Variants in MARCHF1 observed in about 807,000 individuals in gnomAD.
The protein encoded by MARCHF1 is E3 ubiquitin-protein ligase MARCHF1.
In MARCHF1, 40 loss-of-function variants were observed where a neutral mutation model predicts 54.2. The observed-to-expected ratio is 0.74, with a 90% confidence interval of 0.57 to 0.96. The LOEUF (loss-of-function observed/expected upper bound fraction) is 0.96, where lower values mean the gene tolerates loss of function less well. MARCHF1 is among the 40% of genes least tolerant of loss of function. MARCHF1 has a pLI of 0.00. For missense variants in MARCHF1, 586 were observed against 656.5 expected, an observed-to-expected ratio of 0.89 and a Z score of 1.17; for synonymous variants, 236 against 236.3, an observed-to-expected ratio of 1.00 and a Z score of 0.01.
intron 4 of MARCHF1, among the ~76,000 whole-genome samples, chr4:163,832,549 GTTTC>G (rs767722678): frequency 7.5e-4 from 113 of 150,746 alleles, no homozygotes; most frequent in Non-Finnish European, 1.3e-3. Flanking sequence ...AATTAAATTA[GTTTC>G]TTTCATCTAG....
intron 4 of MARCHF1, among the ~76,000 whole-genome samples, chr4:163,805,140 T>C (rs1229326671): frequency 6.6e-6 from 1 of 152,050 alleles, no homozygotes; most frequent in Non-Finnish European, 1.5e-5. Context: ...ACTATAAGCT[T>C]CTCCTTAACC....
chr4:163,857,457 C>T (rs1168650561), intron 3 of MARCHF1, among the ~76,000 whole-genome samples: 1 of 152,030 alleles, frequency 6.6e-6, no homozygotes, highest in Non-Finnish European at 1.5e-5. Context: ...CCCCAAAGCA[C>T]TTTAAAATGT....
chr4:163,768,631 T>C (rs1172669407), intron 4 of MARCHF1, among the ~76,000 whole-genome samples: 1 of 152,218 alleles, frequency 6.6e-6, no homozygotes, highest in African/African-American at 2.4e-5. Flanking sequence ...TGGCTAATTA[T>C]TGTTTTGCAA....
intron 7 of MARCHF1, among the ~76,000 whole-genome samples, chr4:163,604,393 G>A (rs967381007): frequency 6.6e-6 from 1 of 152,086 alleles, no homozygotes; most frequent in Non-Finnish European, 1.5e-5. Context: ...CCTGAAAGCC[G>A]ATTATATATA....
intron 4 of MARCHF1, among the ~76,000 whole-genome samples, chr4:163,762,909 G>A (rs1024115067): frequency 1.4e-4 from 21 of 152,032 alleles, no homozygotes; most frequent in African/African-American, 5.1e-4. Flanking sequence ...TCTTCCTACT[G>A]CACATAACAA....
At chr4:164,035,726 G>A (rs959848373) in intron 2 of MARCHF1, among the ~76,000 whole-genome samples, 1 of 150,984 alleles carries the variant, frequency 6.6e-6, no homozygotes, top group African/African-American at 2.4e-5. Flanking sequence ...AAATGTAGTA[G>A]ATTTCCTGGT....
intron 4 of MARCHF1, among the ~76,000 whole-genome samples, chr4:163,715,309 G>A (rs1185893529): frequency 1.3e-5 from 2 of 152,030 alleles, no homozygotes; most frequent in African/African-American, 2.4e-5. Context: ...ACAGTGGCGC[G>A]ATCTCGGCTC....
In MARCHF1 at chr4:163,825,975, T is replaced by C. The variant is rs548165259; in HGVS notation, c.111+28046A>G. Among the ~76,000 whole-genome samples, 5 of 152,160 alleles carry C rather than the reference T, an allele frequency of 3.3e-5. No homozygotes were observed. The South Asian group carries it at 1.0e-3, about 32-fold the overall frequency. On this transcript the variant is annotated intron_variant, in intron 4 of 9. Transcript: ENST00000514618. ...GCAGAGCAGAGGAGTAAATTGGCTA[T>C]TGTCATACAACATGAGTAAAATATT...
At chr4:163,632,400 C>T (rs1487430879) in intron 5 of MARCHF1, among the ~76,000 whole-genome samples, 1 of 151,992 alleles carries the variant, frequency 6.6e-6, no homozygotes, top group Admixed American at 6.5e-5. Flanking sequence ...CACTGTGCGC[C>T]AGCCGAAGCA....
chr4:163,882,587 T>A (rs752904644), intron 3 of MARCHF1, among the ~76,000 whole-genome samples: 55 of 152,232 alleles, frequency 3.6e-4, no homozygotes, highest in Non-Finnish European at 3.8e-4. Flanking sequence ...ACAGAGCCTG[T>A]TGAAGAGCAC....
intron 2 of MARCHF1, among the ~76,000 whole-genome samples, chr4:164,007,314 C>T (rs1753313177): frequency 1.5e-5 from 2 of 133,012 alleles, no homozygotes; most frequent in Admixed American, 1.7e-4. Flanking sequence ...CTACTGCACT[C>T]CAGCCTGGGC....
At chr4:164,068,145 T>A (rs1754768633) in intron 2 of MARCHF1, among the ~76,000 whole-genome samples, 1 of 152,232 alleles carries the variant, frequency 6.6e-6, no homozygotes, top group Non-Finnish European at 1.5e-5. Flanking sequence ...GTTCAGCCAC[T>A]GTGGAAAGCA....
intron 5 of MARCHF1, among the ~76,000 whole-genome samples, chr4:163,646,833 A>G (rs1742778334): frequency 6.6e-6 from 1 of 152,088 alleles, no homozygotes; most frequent in African/African-American, 2.4e-5. Context: ...GAAGATAGCA[A>G]GAGAGGAAGA....
At chr4:163,983,744 T>C (rs1752806353) in intron 3 of MARCHF1, among the ~76,000 whole-genome samples, 1 of 152,172 alleles carries the variant, frequency 6.6e-6, no homozygotes, top group Non-Finnish European at 1.5e-5. Context: ...TGATGGGTTG[T>C]AAATTAAAAT....
At chr4:164,059,696 C>T (rs61494014) in intron 2 of MARCHF1, among the ~76,000 whole-genome samples, 6,799 of 152,154 alleles carry the variant, frequency 0.045, 253 homozygotes, top group East Asian at 0.19. Context: ...TTTCCATAAT[C>T]ATGATGCTGG....
At chr4:163,686,224 T>C (rs2111181535) in intron 5 of MARCHF1, among the ~76,000 whole-genome samples, 1 of 152,174 alleles carries the variant, frequency 6.6e-6, no homozygotes, top group African/African-American at 2.4e-5. Flanking sequence ...AAAATAATTT[T>C]CCATATCAAA....
intron 4 of MARCHF1, among the ~76,000 whole-genome samples, chr4:163,841,822 A>G (rs1432735192): frequency 1.3e-5 from 2 of 152,298 alleles, no homozygotes; most frequent in Admixed American, 6.5e-5. Context: ...TCTTTAAAGA[A>G]TAACTGGATT....
chr4:164,131,104 T>C (rs138362046), intron 1 of MARCHF1, among the ~76,000 whole-genome samples: 165 of 152,238 alleles, frequency 1.1e-3, no homozygotes, highest in African/African-American at 3.6e-3. Context: ...TATCCTATCA[T>C]AGAAATTGTG....
At chr4:163,764,098 C>T (rs1416222328) in intron 4 of MARCHF1, among the ~76,000 whole-genome samples, 1 of 152,050 alleles carries the variant, frequency 6.6e-6, no homozygotes, top group East Asian at 1.9e-4. Flanking sequence ...TTCTATTCGT[C>T]TGTGCCTAAG....
Sources: gnomAD v4.1 joint callset for allele counts (sites outside exome capture counted in the v4.1 genomes callset) on GRCh38, gnomAD v4.1.1 for gene constraint, MANE v1.5 for transcripts, NCBI Gene and HGNC (gene_info 2026-07-23, HGNC 2026-07-21) for gene names.